The following BMPER variants were observed in gnomAD, a reference collection of about 807,000 sequenced individuals.
BMPER encodes BMP-binding endothelial regulator protein.
BMPER carries 45 observed loss-of-function variants against 87.3 expected under a neutral mutation model. That is an observed-to-expected ratio of 0.52 (90% CI 0.41 to 0.66). The LOEUF is 0.66. Among genes scored for constraint, BMPER ranks in the 30% least tolerant of loss-of-function variants. BMPER has a pLI of 0.00. For missense variants in BMPER, 784 were observed against 867.5 expected, an observed-to-expected ratio of 0.90 and a Z score of 1.21; for synonymous variants, 326 against 316.2, an observed-to-expected ratio of 1.03 and a Z score of -0.33.
At chr7:33,966,981 A>G (rs1785422448) in intron 4 of BMPER, among the ~76,000 whole-genome samples, 1 of 152,208 alleles carries the variant, frequency 6.6e-6, no homozygotes, top group Non-Finnish European at 1.5e-5. Context: ...TCTGTAAACT[A>G]TTACATTGAA....
intron 11 of BMPER, among the ~76,000 whole-genome samples, chr7:34,068,712 T>C (rs1050650593): frequency 6.6e-6 from 1 of 152,346 alleles, no homozygotes; most frequent in Non-Finnish European, 1.5e-5. Flanking sequence ...AGTTTTGAAC[T>C]TGAAATAACT....
chr7:33,935,065 A>T (rs1228199253), intron 2 of BMPER, among the ~76,000 whole-genome samples: 1 of 152,252 alleles, frequency 6.6e-6, no homozygotes, highest in Non-Finnish European at 1.5e-5. Context: ...TGTAAAAAAT[A>T]TGTCTCTTTA....
At chr7:34,007,454 T>C (rs745920558) in intron 6 of BMPER, among the ~76,000 whole-genome samples, 11 of 152,040 alleles carry the variant, frequency 7.2e-5, no homozygotes, top group African/African-American at 2.4e-4. Context: ...GTAATCACAA[T>C]TGACAGATTT....
chr7:33,937,923 C>T (rs1451938529), intron 3 of BMPER, among the ~76,000 whole-genome samples: 2 of 152,290 alleles, frequency 1.3e-5, no homozygotes, highest in East Asian at 3.9e-4. Context: ...TTTCCATCAC[C>T]CTCCAGCCAC....
At chr7:33,997,884 A>C (rs773818192) in intron 6 of BMPER, among the ~76,000 whole-genome samples, 1 of 152,126 alleles carries the variant, frequency 6.6e-6, no homozygotes, top group Non-Finnish European at 1.5e-5. Flanking sequence ...TTTCCTATTA[A>C]AATGGTAACC....
At chr7:34,098,719 A>G (rs945577125) in intron 13 of BMPER, among the ~76,000 whole-genome samples, 1 of 152,274 alleles carries the variant, frequency 6.6e-6, no homozygotes, top group East Asian at 1.9e-4. Context: ...GCTTTTCCAT[A>G]TGAAGAGGAA....
Position 33,905,758 on chromosome 7 carries a change from GGCGGGA to G in BMPER, c.133+14_133+19del. ...CTCCTTCTTGACAGGTAGGGGAGGGGGCGGGAGGGACCGGCCCTCCGGGACGCCGGT... is the reference window on the plus strand; with the variant it reads ...CTCCTTCTTGACAGGTAGGGGAGGGGGGGACCGGCCCTCCGGGACGCCGGT... On this transcript the variant is annotated intron_variant, in intron 1 of 14. Coordinates refer to ENST00000649409, the MANE Select transcript of BMPER (RefSeq NM_001365308.1). 1 of 1,610,018 alleles carries G rather than the reference GGCGGGA, an allele frequency of 6.2e-7. No individual in the cohort carries two copies. The highest frequency in any genetic ancestry group is 1.1e-5 in the South Asian group (1 of 91,008).
At chr7:33,998,614 C>T (rs1046558989) in intron 6 of BMPER, among the ~76,000 whole-genome samples, 2 of 152,166 alleles carry the variant, frequency 1.3e-5, no homozygotes, top group Non-Finnish European at 2.9e-5. Flanking sequence ...CAAACCTCTC[C>T]CGTTCAGTTT....
At chr7:34,141,510 T>C (rs1790869190) in intron 13 of BMPER, among the ~76,000 whole-genome samples, 1 of 147,694 alleles carries the variant, frequency 6.8e-6, no homozygotes, top group Non-Finnish European at 1.5e-5. Flanking sequence ...CTTGGGAGGC[T>C]GAGGCAAGAA....
At chr7:34,058,287 A>G (rs1282965930) in intron 10 of BMPER, 124 bp downstream of exon 10, 2 of 889,648 alleles carry the variant, frequency 2.2e-6, no homozygotes, top group East Asian at 2.7e-5. Flanking sequence ...ATTCCTGACT[A>G]GTCAAATGCC....
chr7:34,059,027 G>GAA (rs71554121), intron 10 of BMPER, among the ~76,000 whole-genome samples: 26 of 137,908 alleles, frequency 1.9e-4, no homozygotes, highest in East Asian at 9.0e-4. Flanking sequence ...AGGAAAAAAA[G>GAA]AAAAAAAAAA....
chr7:34,087,109 C>T (rs1306201433), intron 13 of BMPER, among the ~76,000 whole-genome samples: 2 of 152,098 alleles, frequency 1.3e-5, no homozygotes, highest in African/African-American at 2.4e-5. Flanking sequence ...TCTATAAAGG[C>T]GGCTCGAAGT....
intron 7 of BMPER, among the ~76,000 whole-genome samples, chr7:34,048,475 G>A (rs981087539): frequency 1.3e-5 from 2 of 152,214 alleles, no homozygotes; most frequent in Non-Finnish European, 2.9e-5. Context: ...GCCAGTGTGT[G>A]TCAGTGTCCC....
intron 13 of BMPER, among the ~76,000 whole-genome samples, chr7:34,138,876 T>C (rs1224904769): frequency 6.6e-6 from 1 of 152,092 alleles, no homozygotes; most frequent in African/African-American, 2.4e-5. Flanking sequence ...ACAGCAGAGG[T>C]ACCAAAGCCA....
chr7:34,001,575 T>C (rs1311561397), intron 6 of BMPER, among the ~76,000 whole-genome samples: 3 of 151,666 alleles, frequency 2.0e-5, no homozygotes, highest in East Asian at 1.9e-4. Flanking sequence ...TTTTTTTTTT[T>C]TTCTGTTCAG....
intron 13 of BMPER, among the ~76,000 whole-genome samples, chr7:34,125,735 G>A (rs1281356810): frequency 2.0e-5 from 3 of 152,212 alleles, no homozygotes; most frequent in Non-Finnish European, 4.4e-5. Context: ...CCTTTGCAAG[G>A]CCCCAAGACA....
intron 6 of BMPER, among the ~76,000 whole-genome samples, chr7:33,987,015 T>C (rs141398089): frequency 7.4e-4 from 112 of 152,190 alleles, no homozygotes; most frequent in Middle Eastern, 3.4e-3. Context: ...CTGGTCCTAC[T>C]TGAGCTTCCC....
At chr7:33,968,956 C>A (rs1052295105) in intron 4 of BMPER, among the ~76,000 whole-genome samples, 1 of 152,174 alleles carries the variant, frequency 6.6e-6, no homozygotes, top group Non-Finnish European at 1.5e-5. Flanking sequence ...TAGCTTTTTG[C>A]ATTGCTTCAG....
chr7:34,153,287 C>A lies in BMPER; in HGVS notation c.*14C>A. ...CCCCAGCGGTGACCTTTGTTTCGAT[C>A]CTTAAGACTCTGAAATCTGGTGACT... On this transcript the variant is annotated 3_prime_UTR_variant, in exon 15 of 15. Transcript: ENST00000649409. The A allele has an allele frequency of 6.2e-7, 1 of 1,613,548 alleles. No homozygotes were observed. Among genetic ancestry groups the A allele is most frequent in the Non-Finnish European group, 8.5e-7 (1 of 1,179,808 alleles).
Sources: allele counts gnomAD v4.1 joint callset (sites outside exome capture counted in the v4.1 genomes callset), GRCh38; gene constraint gnomAD v4.1.1; transcripts MANE v1.5; gene names NCBI Gene and HGNC (gene_info 2026-07-23, HGNC 2026-07-21).